Variants in SMARCB1 observed in about 807,000 individuals in gnomAD.
SMARCB1 encodes SWI/SNF-related matrix-associated actin-dependent regulator of chromatin subfamily B member 1.
A neutral mutation model predicts 49.0 loss-of-function variants in SMARCB1; 5 were observed. The ratio of observed to expected loss-of-function variants is 0.10; its 90% confidence interval spans 0.05 to 0.21. SMARCB1 has a LOEUF of 0.21. Among genes scored for constraint, SMARCB1 ranks in the 10% least tolerant of loss-of-function variants. The probability of loss-of-function intolerance (pLI) is 1.00; values close to 1 mark genes in which losing one functional copy is unlikely to be tolerated. For synonymous variants in SMARCB1, 201 were observed against 200.1 expected, an observed-to-expected ratio of 1.00 and a Z score of -0.04; for missense variants, 226 against 509.2, an observed-to-expected ratio of 0.44 and a Z score of 5.35.
At chr22:23,808,298 T>G (rs1929642225) in intron 5 of SMARCB1, among the ~76,000 whole-genome samples, 1 of 152,176 alleles carries the variant, frequency 6.6e-6, no homozygotes, top group African/African-American at 2.4e-5. Flanking sequence ...TTTTTTGTAT[T>G]TTTTAGTAGA....
Position 23,836,552 on chromosome 22 carries a change from G to C in SMARCB1, c.*2372G>C. 1.9e-6 allele frequency: 2 copies of C among 1,080,630 alleles called. No homozygotes were observed. Among genetic ancestry groups the C allele is most frequent in the Non-Finnish European group, 2.2e-6 (2 of 892,980 alleles). The allele number at this position is 1,080,630 out of a possible 1,614,324, so 66.9% of individuals were successfully genotyped here. A position where few individuals can be genotyped will look rare whatever the true frequency, so the allele number is the denominator to read the frequency against. On this transcript the variant is annotated 3_prime_UTR_variant, in exon 9 of 9. Transcript: ENST00000644036. ...TGTCACCTGTGAGCTCAAAAGCTCT[G>C]CCTGGCAACCTGTGAGCTCAAAGCT...
intron 7 of SMARCB1, among the ~76,000 whole-genome samples, chr22:23,828,184 A>C (rs1214015456): frequency 2.0e-5 from 3 of 152,070 alleles, no homozygotes; most frequent in African/African-American, 7.2e-5. Flanking sequence ...TCCTGAGTAG[A>C]TGGGACTACA....
chr22:23,805,417 G>T (rs1411770826), intron 5 of SMARCB1, among the ~76,000 whole-genome samples: 1 of 152,232 alleles, frequency 6.6e-6, no homozygotes, highest in Admixed American at 6.5e-5. Context: ...GTTTATCTCT[G>T]CTGGCCCACA....
Position 23,793,658 on chromosome 22 carries a change from C to T in SMARCB1, c.332C>T (p.Ser111Phe), listed in dbSNP as rs1162709488. ...AACGATGAGAAGTACAAGGCTGTGTCCATCAGCACAGAGCCCCCCACCTAC... is the reference window on the plus strand; with the variant it reads ...AACGATGAGAAGTACAAGGCTGTGTTCATCAGCACAGAGCCCCCCACCTAC... ...DGNDEKYKAV[S>F]ISTEPPTYLR... The change falls in exon 3 of 9, where the codon TCC becomes TTC. Residue 111 changes from serine to phenylalanine, a missense_variant. Physicochemically the swap from Ser to Phe is radical, Grantham distance 155. Coordinates refer to ENST00000644036, the MANE Select transcript of SMARCB1 (RefSeq NM_003073.5). 1 of 1,614,094 alleles carries T rather than the reference C, an allele frequency of 6.2e-7. No individual in the cohort carries two copies. Among genetic ancestry groups the T allele is most frequent in the East Asian group, 2.2e-5 (1 of 44,884 alleles).
intron 3 of SMARCB1, among the ~76,000 whole-genome samples, chr22:23,793,957 T>C (rs1928580528): frequency 1.3e-5 from 2 of 152,110 alleles, no homozygotes; most frequent in South Asian, 2.1e-4. Context: ...AGTTTTTTTT[T>C]CTTTGAGACA....
At chr22:23,800,892 G>A (rs2145977821) in intron 3 of SMARCB1, 52 bp from the exon 4 acceptor site, 1 of 1,339,498 alleles carries the variant, frequency 7.5e-7, no homozygotes, top group East Asian at 2.3e-5. Context: ...TTCCTGGTGG[G>A]CAGGATCAGG....
At position 23,803,426 on chromosome 22, in the gene SMARCB1, C is replaced by T. The variant is rs373375336; in HGVS notation, c.628+4C>T. The T allele has an allele frequency of 5.0e-6, 8 of 1,613,942 alleles. No homozygotes were observed. Among genetic ancestry groups the T allele is most frequent in the Non-Finnish European group, 5.9e-6 (7 of 1,180,046 alleles). ...GCCTTCACCTGGAACATGAATGGTA[C>T]AAGGCAGTCGGGCTTGGCTGGGCCT... On this transcript the variant is annotated splice_donor_region_variant and intron_variant, in intron 5 of 8. Transcript: ENST00000644036.
At chr22:23,801,358 C>T (rs1385235580) in intron 4 of SMARCB1, 1 of 688,294 alleles carries the variant, frequency 1.5e-6, no homozygotes, top group South Asian at 1.5e-5. Context: ...GGCCCTTTCT[C>T]TGCCCTCAGT....
At chr22:23,818,137 G>GGGGTGTGTGGGTGTGT (rs1311439174) in intron 6 of SMARCB1, 3 of 132,924 alleles carry the variant, frequency 2.3e-5, no homozygotes, top group Admixed American at 7.4e-5. Flanking sequence ...AAATACTTTG[G>GGGGTGTGTGGGTGTGT]GTGTGTGTGT....
At chr22:23,818,134 TTGGGTGTGTG>T (rs1249475692) in intron 6 of SMARCB1, 9 of 77,242 alleles carry the variant, frequency 1.2e-4, no homozygotes, top group African/African-American at 3.9e-4. Context: ...CCGAAATACT[TTGGGTGTGTG>T]TGTGTGTGTG....
At chr22:23,793,764 G>A (rs1928559693) in intron 3 of SMARCB1, 76 bp downstream of exon 3, 4 of 1,263,426 alleles carry the variant, frequency 3.2e-6, no homozygotes, top group Non-Finnish European at 4.6e-6. Context: ...TGGTTGGGTT[G>A]AAGTTAAATT....
At chr22:23,808,046 C>G (rs1417428992) in intron 5 of SMARCB1, among the ~76,000 whole-genome samples, 1 of 151,168 alleles carries the variant, frequency 6.6e-6, no homozygotes, top group African/African-American at 2.4e-5. Context: ...AGCTCCGCCT[C>G]CCGGGTTCAT....
chr22:23,833,455 C>G, intron 7 of SMARCB1, 117 bp from the exon 8 acceptor site: 2 of 1,430,302 alleles, frequency 1.4e-6, no homozygotes, highest in Non-Finnish European at 2.0e-6. Context: ...GGAGCATCCA[C>G]TGGGTGCCAG....
intron 7 of SMARCB1, among the ~76,000 whole-genome samples, chr22:23,826,841 C>T (rs775473933): frequency 3.9e-5 from 6 of 152,218 alleles, no homozygotes; most frequent in African/African-American, 1.4e-4. Context: ...CAGCTGAGTC[C>T]CTGCCTGAGC....
At position 23,837,342 on chromosome 22, in the gene SMARCB1, C is replaced by T. The variant is rs1259736497; in HGVS notation, c.*3162C>T. The stretch of plus-strand genomic sequence containing the variant: ...AGGACAAGCTTAAAAGGCCCAGAAG[C>T]AGGCAGGACCCAGGGAGGGGAGGGC... On this transcript the variant is annotated 3_prime_UTR_variant, in exon 9 of 9. Transcript: ENST00000644036. 6.5e-6 allele frequency: 5 copies of T among 764,496 alleles called. No homozygotes were observed. The highest frequency in any genetic ancestry group is 1.1e-5 in the Non-Finnish European group (5 of 474,014). The allele number at this position is 764,496 out of a possible 1,614,324, so 47.4% of individuals were successfully genotyped here.
In SMARCB1 at chr22:23,837,975, G is replaced by A; in HGVS notation, c.*3795G>A. 7.9e-7 allele frequency: 1 copy of A among 1,259,752 alleles called. No individual in the cohort carries two copies. Among genetic ancestry groups the A allele is most frequent in the Non-Finnish European group, 1.1e-6 (1 of 929,932 alleles). The allele number at this position is 1,259,752 out of a possible 1,614,324, so 78.0% of individuals were successfully genotyped here. A position where few individuals can be genotyped will look rare whatever the true frequency, so the allele number is the denominator to read the frequency against. On this transcript the variant is annotated 3_prime_UTR_variant, in exon 9 of 9. Coordinates refer to ENST00000644036, the MANE Select transcript of SMARCB1 (RefSeq NM_003073.5). ...CTATGTGCTATTCCCTCATCAAGAT[G>A]AGCCAGTCCAATAAAGGCGACACAC... is the stretch of plus-strand genomic sequence containing the variant.
At chr22:23,790,241 T>A (rs1033188820) in intron 1 of SMARCB1, among the ~76,000 whole-genome samples, 1 of 152,074 alleles carries the variant, frequency 6.6e-6, no homozygotes, top group Admixed American at 6.5e-5. Context: ...TAATGGAAAC[T>A]CTACATTTAC....
In SMARCB1 at chr22:23,806,461, T is replaced by C. The variant is rs147701545; in HGVS notation, c.628+3039T>C. 4.9e-3 allele frequency among the ~76,000 whole-genome samples: 753 copies of C among 152,372 alleles called. 19 individuals carry two copies. In the South Asian group the frequency reaches 0.085, roughly 17 times the overall value. On this transcript the variant is annotated intron_variant, in intron 5 of 8. Coordinates refer to ENST00000644036, the MANE Select transcript of SMARCB1 (RefSeq NM_003073.5). ...TGGTATTTGGCATTTGTAAGAGCTG[T>C]GATTCTTAATTGGTGGTTAGATGCC...
chr22:23,816,651 C>T, intron 5 of SMARCB1, 119 bp from the exon 6 acceptor site: 1 of 974,840 alleles, frequency 1.0e-6, no homozygotes, highest in Non-Finnish European at 1.6e-6. Context: ...CCCCAGTGCC[C>T]TGGTTGTCCT....
Sources: allele counts gnomAD v4.1 joint callset (sites outside exome capture counted in the v4.1 genomes callset), GRCh38; gene constraint gnomAD v4.1.1; transcripts MANE v1.5; gene names NCBI Gene and HGNC (gene_info 2026-07-23, HGNC 2026-07-21).